The following SP4 variants were observed in gnomAD, a reference collection of about 807,000 sequenced individuals.
SP4 encodes the protein transcription factor Sp4.
Under a neutral mutation model 72.8 loss-of-function variants are expected in SP4, and 19 were observed. That is an observed-to-expected ratio of 0.26 (90% CI 0.18 to 0.38). The LOEUF (loss-of-function observed/expected upper bound fraction) is 0.38. Ranked by LOEUF, SP4 falls within the 10% of genes least tolerant of loss-of-function variation. The probability of loss-of-function intolerance (pLI) is 1.00; values close to 1 mark genes in which losing one functional copy is unlikely to be tolerated. For missense variants in SP4, 1,008 were observed against 926.3 expected (o/e 1.09, Z -1.14); for synonymous variants, 395 against 333.1 (o/e 1.19, Z -2.02).
At chr7:21,466,348 A>G (rs1020613136) in intron 3 of SP4, among the ~76,000 whole-genome samples, 1 of 152,166 alleles carries the variant, frequency 6.6e-6, no homozygotes, top group African/African-American at 2.4e-5. Flanking sequence ...TACTTAATAC[A>G]TTTGCAGTTT....
intron 5 of SP4, among the ~76,000 whole-genome samples, chr7:21,497,476 G>T (rs762565231): frequency 2.0e-5 from 3 of 152,092 alleles, no homozygotes; most frequent in African/African-American, 4.8e-5. Flanking sequence ...GCCAGAATCT[G>T]AAATGGTTGC....
intron 5 of SP4, among the ~76,000 whole-genome samples, chr7:21,502,355 A>G (rs991152484): frequency 6.6e-6 from 1 of 151,764 alleles, no homozygotes; most frequent in African/African-American, 2.4e-5. Flanking sequence ...GGCTTATTGA[A>G]CTCTGCCCCC....
At position 21,511,155 on chromosome 7, in the gene SP4, G is replaced by A. The variant is rs1345957969; in HGVS notation, c.2241G>A (p.Leu747=). 1 of 1,614,018 alleles carries A rather than the reference G, an allele frequency of 6.2e-7. No homozygotes were observed. The highest frequency in any genetic ancestry group is 8.5e-7 in the Non-Finnish European group (1 of 1,180,012). ...TALAIVTSGE[L]DSSVTEVLGS... is the part of the protein sequence containing the mutation. Reference sequence around the variant, plus strand: ...TTGCCATTGTTACCTCGGGAGAACTGGACTCATCTGTTACAGAGGTGCTTG... The same window carrying A: ...TTGCCATTGTTACCTCGGGAGAACTAGACTCATCTGTTACAGAGGTGCTTG... Residue 747 remains leucine (L), a synonymous_variant, in exon 6 of 6, where the codon CTG becomes CTA. Transcript: ENST00000222584.
intron 3 of SP4, chr7:21,470,996 A>G (rs1242914211): frequency 1.9e-6 from 1 of 524,486 alleles, no homozygotes; most frequent in Non-Finnish European, 3.9e-6. Context: ...AGATGAATAG[A>G]CTTTTGTCAG....
At chr7:21,461,208 C>A (rs888951084) in intron 3 of SP4, among the ~76,000 whole-genome samples, 3 of 152,180 alleles carry the variant, frequency 2.0e-5, no homozygotes, top group Non-Finnish European at 4.4e-5. Context: ...ACTCCTCAGC[C>A]CTTGGGCAGT....
chr7:21,501,145 C>G (rs1781852669), intron 5 of SP4, among the ~76,000 whole-genome samples: 2 of 152,142 alleles, frequency 1.3e-5, no homozygotes, highest in Admixed American at 6.5e-5. Context: ...ATCTTCCCTT[C>G]CCTGCTTAAG....
intron 3 of SP4, among the ~76,000 whole-genome samples, chr7:21,446,677 T>G (rs2128396741): frequency 6.6e-6 from 1 of 152,328 alleles, no homozygotes; most frequent in Non-Finnish European, 1.5e-5. Flanking sequence ...AGGTACTAAA[T>G]CAGCTTAATT....
In SP4 at chr7:21,477,086, G is replaced by A; in HGVS notation, c.1686G>A (p.Gln562=). The A allele has an allele frequency of 6.2e-7, 1 of 1,612,224 alleles. No individual in the cohort carries two copies. Among genetic ancestry groups the A allele is most frequent in the Non-Finnish European group, 8.5e-7 (1 of 1,178,532 alleles). ...PVTITSVAGQ[Q]QGQDGVKVQQ... is the part of the protein sequence containing the mutation. ...TTTTTTCTTCCTTTTTAGGTCAGCA[G>A]CAAGGACAAGATGGAGTAAAAGTCC... The change falls in exon 4 of 6, where the codon CAG becomes CAA. Residue 562 remains glutamine, a synonymous_variant. Coordinates refer to ENST00000222584, the MANE Select transcript of SP4 (RefSeq NM_003112.5).
chr7:21,490,122 G>A (rs574923602), intron 5 of SP4, among the ~76,000 whole-genome samples: 30 of 152,314 alleles, frequency 2.0e-4, no homozygotes, highest in Non-Finnish European at 3.8e-4. Flanking sequence ...GTATCTAAAT[G>A]AGGACAATGA....
intron 5 of SP4, among the ~76,000 whole-genome samples, chr7:21,493,009 G>C (rs1490364546): frequency 2.0e-5 from 3 of 152,080 alleles, no homozygotes; most frequent in Non-Finnish European, 4.4e-5. Context: ...AGACCAGCCT[G>C]GCCAACATGG....
Position 21,429,853 on chromosome 7 carries a change from C to G in SP4, c.688C>G (p.Pro230Ala). Residue 230 changes from proline (P) to alanine (A), a missense_variant, in exon 3 of 6, where the codon CCG becomes GCG. Pro to Ala is a conservative substitution (Grantham distance 27). Around this residue, in one of 3 missense-constraint regions of SP4, gnomAD observed 893 missense variants for 743.3 expected, o/e 1.20. Transcript: ENST00000222584. ...TCAAAACCTGGCAAATCAGACAGTT[C>G]CGGTCCAAATTAGACCTGGTGTTTC... ...LAQNLANQTVPVQIRPGVSIP... is the reference protein window; with the variant it reads ...LAQNLANQTVAVQIRPGVSIP... The G allele has an allele frequency of 6.2e-7, 1 of 1,614,176 alleles. No individual in the cohort carries two copies. Among genetic ancestry groups the G allele is most frequent in the Middle Eastern group, 1.6e-4 (1 of 6,062 alleles).
chr7:21,467,985 A>G (rs1370881179), intron 3 of SP4, among the ~76,000 whole-genome samples: 1 of 152,160 alleles, frequency 6.6e-6, no homozygotes, highest in Admixed American at 6.5e-5. Context: ...GTTTATTTAT[A>G]GGTAGATAGA....
chr7:21,509,359 A>G (rs897065996), intron 5 of SP4, among the ~76,000 whole-genome samples: 18 of 152,070 alleles, frequency 1.2e-4, no homozygotes, highest in African/African-American at 3.6e-4. Flanking sequence ...AAGTCATACA[A>G]AGTATTTTAT....
At chr7:21,496,051 A>T (rs1044227396) in intron 5 of SP4, among the ~76,000 whole-genome samples, 1 of 152,196 alleles carries the variant, frequency 6.6e-6, no homozygotes, top group Non-Finnish European at 1.5e-5. Flanking sequence ...AATCAAAACT[A>T]TAAGGACAGA....
In SP4 at chr7:21,428,185, C is replaced by CCCCCCCCCCCCCCCCCCCCCCCCAA; in HGVS notation, c.-67_-66insCCCCCCCCCCCCCCCCCCCCCCCAA. On this transcript the variant is annotated 5_prime_UTR_variant, in exon 1 of 6. Transcript: ENST00000222584. ...GGGCGGGACCGGCCTCTCCTCCCGC[C>CCCCCCCCCCCCCCCCCCCCCCCCAA]TCGCCCCCACCCCCACCCACCTCTA... The CCCCCCCCCCCCCCCCCCCCCCCCAA allele has an allele frequency of 1.6e-6, 1 of 622,636 alleles. No individual in the cohort carries two copies. Among genetic ancestry groups the CCCCCCCCCCCCCCCCCCCCCCCCAA allele is most frequent in the Non-Finnish European group, 2.9e-6 (1 of 342,380 alleles). 38.6% of individuals were successfully genotyped at this position (622,636 alleles called of 1,614,324 possible).
chr7:21,500,800 G>T (rs1781844091), intron 5 of SP4, among the ~76,000 whole-genome samples: 1 of 152,104 alleles, frequency 6.6e-6, no homozygotes, highest in African/African-American at 2.4e-5. Context: ...CGCACTACTG[G>T]ATAATTCAGA....
intron 3 of SP4, among the ~76,000 whole-genome samples, chr7:21,466,913 G>A (rs1784184390): frequency 6.6e-6 from 1 of 151,854 alleles, no homozygotes; most frequent in African/African-American, 2.4e-5. Flanking sequence ...CAGTCATATA[G>A]TTTCTGTTTT....
chr7:21,463,029 A>G (rs1784044906), intron 3 of SP4, among the ~76,000 whole-genome samples: 1 of 152,036 alleles, frequency 6.6e-6, no homozygotes. Context: ...TAATTACCAC[A>G]TGTGGCAAGA....
chr7:21,508,800 C>G (rs1176024364), intron 5 of SP4, among the ~76,000 whole-genome samples: 1 of 142,572 alleles, frequency 7.0e-6, no homozygotes, highest in African/African-American at 2.6e-5. Flanking sequence ...AGGGCCTTGT[C>G]TACACACTTT....
Sources: gnomAD v4.1 joint callset for allele counts (sites outside exome capture counted in the v4.1 genomes callset) on GRCh38, gnomAD v4.1.1 for gene constraint, gnomAD v4.1.1 regional missense constraint, MANE v1.5 for transcripts, NCBI Gene and HGNC (gene_info 2026-07-23, HGNC 2026-07-21) for gene names.